B3GALT1: variants seen among roughly 807,000 people sequenced by gnomAD.
B3GALT1 encodes the protein beta-1,3-galactosyltransferase 1.
A neutral mutation model predicts 23.2 loss-of-function variants in B3GALT1; 10 were observed. That is an observed-to-expected ratio of 0.43 (90% CI 0.27 to 0.73). B3GALT1 has a LOEUF of 0.73. Ranked by LOEUF, B3GALT1 falls within the 30% of genes least tolerant of loss-of-function variation. The pLI, the probability that B3GALT1 is intolerant of heterozygous loss-of-function variation, is 0.21. For missense variants in B3GALT1, 299 were observed against 405.4 expected, an observed-to-expected ratio of 0.74 and a Z score of 2.25; for synonymous variants, 156 against 141.5, an observed-to-expected ratio of 1.10 and a Z score of -0.73.
chr2:167,507,026 G>A (rs1364460910), intron 2 of B3GALT1, among the ~76,000 whole-genome samples: 1 of 152,048 alleles, frequency 6.6e-6, no homozygotes, highest in African/African-American at 2.4e-5. Context: ...AAAAGTTGAA[G>A]GGCATGATTA....
chr2:167,457,294 T>C (rs1221689859), intron 1 of B3GALT1, among the ~76,000 whole-genome samples: 1 of 151,976 alleles, frequency 6.6e-6, no homozygotes, highest in Non-Finnish European at 1.5e-5. Context: ...TGCCTCAGCC[T>C]CCCACGTAGC....
chr2:167,802,033 T>A (rs914838698), intron 3 of B3GALT1, among the ~76,000 whole-genome samples: 1 of 152,150 alleles, frequency 6.6e-6, no homozygotes, highest in Non-Finnish European at 1.5e-5. Context: ...TCCCTTCACA[T>A]GTTTGGAGGC....
intron 1 of B3GALT1, among the ~76,000 whole-genome samples, chr2:167,329,832 A>G (rs1269944513): frequency 4.0e-5 from 6 of 150,174 alleles, no homozygotes; most frequent in African/African-American, 1.5e-4. Context: ...TTCCTCTTTC[A>G]GCCTTTGAAT....
chr2:167,833,250 C>T (rs748903741), intron 4 of B3GALT1, among the ~76,000 whole-genome samples: 5 of 152,192 alleles, frequency 3.3e-5, no homozygotes, highest in African/African-American at 1.2e-4. Flanking sequence ...AACATGCCTC[C>T]CTTCCCTCCT....
intron 1 of B3GALT1, among the ~76,000 whole-genome samples, chr2:167,471,551 A>G (rs772877555): frequency 2.6e-5 from 4 of 152,206 alleles, no homozygotes; most frequent in Admixed American, 2.6e-4. Flanking sequence ...GTAGATTACT[A>G]TAAAAGCTAC....
Position 167,870,110 on chromosome 2 carries a change from C to T in B3GALT1, c.*90C>T. On this transcript the variant is annotated 3_prime_UTR_variant, in exon 5 of 5. Transcript: ENST00000392690. Reference sequence around the variant, plus strand: ...TTTTCCAGGTGTCGGGGGAAATGAACTGGTGAAGGGGTTTTGTAAAGTTTT... The same window carrying T: ...TTTTCCAGGTGTCGGGGGAAATGAATTGGTGAAGGGGTTTTGTAAAGTTTT... 7.4e-7 allele frequency: 1 copy of T among 1,358,684 alleles called. No homozygotes were observed. Among genetic ancestry groups the T allele is most frequent in the Non-Finnish European group, 9.9e-7 (1 of 1,011,414 alleles). The allele number at this position is 1,358,684 out of a possible 1,614,324, so 84.2% of individuals were successfully genotyped here.
At chr2:167,733,585 A>G (rs2105267940) in intron 3 of B3GALT1, among the ~76,000 whole-genome samples, 1 of 152,256 alleles carries the variant, frequency 6.6e-6, no homozygotes, top group Non-Finnish European at 1.5e-5. Context: ...ATTGCCTACA[A>G]TTTGATTGCC....
intron 3 of B3GALT1, among the ~76,000 whole-genome samples, chr2:167,653,835 A>G (rs1147158): frequency 0.99 from 150,912 of 152,306 alleles, 74,788 homozygotes; most frequent in Middle Eastern, 1. Context: ...GGTTGGCTCC[A>G]TTTAGTCCTC....
intron 1 of B3GALT1, among the ~76,000 whole-genome samples, chr2:167,486,674 C>T (rs1372791973): frequency 2.0e-5 from 3 of 151,860 alleles, no homozygotes; most frequent in Admixed American, 1.3e-4. Flanking sequence ...GCCGAGATCA[C>T]ACCACTGCAC....
intron 2 of B3GALT1, among the ~76,000 whole-genome samples, chr2:167,556,090 T>C (rs1031615156): frequency 6.6e-6 from 1 of 152,116 alleles, no homozygotes; most frequent in African/African-American, 2.4e-5. Flanking sequence ...ATTGCTCTTT[T>C]TTACAATTAT....
chr2:167,738,776 T>G (rs1687530315), intron 3 of B3GALT1, among the ~76,000 whole-genome samples: 1 of 147,400 alleles, frequency 6.8e-6, no homozygotes, highest in South Asian at 2.2e-4. Flanking sequence ...CTCTCCCTTC[T>G]GATGTTCATG....
chr2:167,795,932 C>A (rs1688539403), intron 3 of B3GALT1, among the ~76,000 whole-genome samples: 1 of 152,194 alleles, frequency 6.6e-6, no homozygotes, highest in South Asian at 2.1e-4. Context: ...GCATTCATAT[C>A]ATAATCATCT....
Position 167,872,939 on chromosome 2 carries a change from G to C in B3GALT1, c.*2919G>C, listed in dbSNP as rs1690381012. 1 of 152,144 alleles carries C rather than the reference G, an allele frequency of 6.6e-6. No individual in the cohort carries two copies. Among genetic ancestry groups the C allele is most frequent in the Non-Finnish European group, 1.5e-5 (1 of 68,036 alleles). 9.4% of individuals were successfully genotyped at this position (152,144 alleles called of 1,614,324 possible). A position where few individuals can be genotyped will look rare whatever the true frequency, so the allele number is the denominator to read the frequency against. Reference sequence around the variant, plus strand: ...TTGGTGAAGCAAGGCCATTTGTCCAGTGTTTCATAGCCTTAAGCATGTTTG... The same window carrying C: ...TTGGTGAAGCAAGGCCATTTGTCCACTGTTTCATAGCCTTAAGCATGTTTG... On this transcript the variant is annotated 3_prime_UTR_variant, in exon 5 of 5. Coordinates refer to ENST00000392690, the MANE Select transcript of B3GALT1 (RefSeq NM_020981.4).
At chr2:167,796,147 T>C (rs1490879266) in intron 3 of B3GALT1, among the ~76,000 whole-genome samples, 1 of 152,220 alleles carries the variant, frequency 6.6e-6, no homozygotes, top group Non-Finnish European at 1.5e-5. Context: ...CGTTTATTAC[T>C]TTCAGATTTT....
intron 3 of B3GALT1, among the ~76,000 whole-genome samples, chr2:167,689,084 TA>T (rs2105499556): frequency 1.0e-5 from 1 of 97,990 alleles, no homozygotes; most frequent in African/African-American, 4.1e-5. Flanking sequence ...CAATTGAAAA[TA>T]AAAACAAAAT....
intron 4 of B3GALT1, among the ~76,000 whole-genome samples, chr2:167,850,329 C>G (rs1026502234): frequency 4.6e-5 from 7 of 152,158 alleles, no homozygotes; most frequent in African/African-American, 1.7e-4. Flanking sequence ...AAATGCAAAT[C>G]AGAACCACAA....
intron 1 of B3GALT1, among the ~76,000 whole-genome samples, chr2:167,371,098 A>T (rs1332989897): frequency 6.6e-6 from 1 of 152,208 alleles, no homozygotes; most frequent in Non-Finnish European, 1.5e-5. Context: ...AGGGATAGCA[A>T]TCAGTGGAGA....
chr2:167,492,587 C>G (rs998263167), intron 2 of B3GALT1, among the ~76,000 whole-genome samples: 1 of 152,110 alleles, frequency 6.6e-6, no homozygotes, highest in Non-Finnish European at 1.5e-5. Flanking sequence ...ATTTTGCATT[C>G]CCACCAGCAC....
chr2:167,847,071 T>C (rs961369775), intron 4 of B3GALT1, among the ~76,000 whole-genome samples: 3 of 152,146 alleles, frequency 2.0e-5, no homozygotes, highest in African/African-American at 7.2e-5. Context: ...CCTAAACATA[T>C]ATGCACCTAT....
Sources: allele counts gnomAD v4.1 joint callset (sites outside exome capture counted in the v4.1 genomes callset), GRCh38; gene constraint gnomAD v4.1.1; transcripts MANE v1.5; gene names NCBI Gene and HGNC (gene_info 2026-07-23, HGNC 2026-07-21).